GPHN: variants seen among roughly 807,000 people sequenced by gnomAD.
The protein encoded by GPHN is gephyrin.
A neutral mutation model predicts 95.5 loss-of-function variants in GPHN; 17 were observed. That is an observed-to-expected ratio of 0.18 (90% CI 0.12 to 0.27). The LOEUF is 0.27. Among genes scored for constraint, GPHN ranks in the 10% least tolerant of loss-of-function variants. The pLI, the probability that GPHN is intolerant of heterozygous loss-of-function variation, is 1.00. For synonymous variants in GPHN, 320 were observed against 322.5 expected, an observed-to-expected ratio of 0.99 and a Z score of 0.08; for missense variants, 660 against 978.1, an observed-to-expected ratio of 0.67 and a Z score of 4.34.
At chr14:67,215,058 G>A in the GPHN span, among the ~76,000 whole-genome samples, 3 of 152,190 alleles carry the variant, frequency 2.0e-5, no homozygotes, top group Non-Finnish European at 4.4e-5. Context: ...AGCTTAAGGA[G>A]ATTCTGGGCT....
chr14:67,457,307 C>T, the GPHN span, among the ~76,000 whole-genome samples: 1 of 152,122 alleles, frequency 6.6e-6, no homozygotes, highest in Non-Finnish European at 1.5e-5. Flanking sequence ...AAAAAAGAAA[C>T]AAACAGCAGG....
intron 1 of GPHN, among the ~76,000 whole-genome samples, chr14:66,546,015 G>A (rs973954552): frequency 1.3e-4 from 20 of 151,026 alleles, no homozygotes; most frequent in Admixed American, 4.6e-4. Flanking sequence ...CTTCTCAGAC[G>A]GGGCGGCCGG....
At chr14:67,690,402 A>G in the GPHN span, 6 of 1,614,170 alleles carry the variant, frequency 3.7e-6, no homozygotes, top group Non-Finnish European at 5.1e-6. Context: ...CTAGCAGCAG[A>G]TGGGTTAGGA....
the GPHN span, chr14:67,198,028 C>A: frequency 9.7e-7 from 1 of 1,029,394 alleles, no homozygotes. Flanking sequence ...CAGTGCCAAG[C>A]ATATCACAGA....
the GPHN span, among the ~76,000 whole-genome samples, chr14:67,689,755 C>A: frequency 6.6e-6 from 1 of 152,116 alleles, no homozygotes; most frequent in Non-Finnish European, 1.5e-5. Flanking sequence ...ACCACCCTGA[C>A]CAACATGGTG....
intron 9 of GPHN, among the ~76,000 whole-genome samples, chr14:67,013,299 A>T (rs965717848): frequency 6.6e-6 from 1 of 152,096 alleles, no homozygotes; most frequent in South Asian, 2.1e-4. Flanking sequence ...TGCTGAAAAG[A>T]GGATTCGCTA....
the GPHN span, chr14:67,690,068 G>C: frequency 1.5e-6 from 1 of 664,984 alleles, no homozygotes; most frequent in Non-Finnish European, 2.6e-6. Context: ...TTCAGTTGTA[G>C]ACTACTTACT....
intron 2 of GPHN, among the ~76,000 whole-genome samples, chr14:66,762,063 G>A (rs2058778080): frequency 6.6e-6 from 1 of 151,408 alleles, no homozygotes; most frequent in African/African-American, 2.4e-5. Flanking sequence ...AAAAGCTCCT[G>A]TTTTTGGAAA....
chr14:67,102,440 A>T (rs1480565161), intron 13 of GPHN, among the ~76,000 whole-genome samples: 1 of 151,760 alleles, frequency 6.6e-6, no homozygotes, highest in Non-Finnish European at 1.5e-5. Flanking sequence ...GCGGGCAGAT[A>T]ACCTGAGTTC....
At chr14:66,908,509 A>G (rs916409817) in intron 5 of GPHN, among the ~76,000 whole-genome samples, 10 of 152,082 alleles carry the variant, frequency 6.6e-5, no homozygotes, top group African/African-American at 2.4e-4. Flanking sequence ...CTGTGCATAT[A>G]ATTTCCAAAT....
chr14:67,301,511 C>T, the GPHN span: 11 of 1,418,474 alleles, frequency 7.8e-6, no homozygotes, highest in Non-Finnish European at 1.1e-5. Flanking sequence ...TTCCAGCATT[C>T]TTCTATTTTT....
In GPHN at chr14:66,508,447, C is replaced by G; in HGVS notation, c.-81C>G. ...GGCTCCCTAGCTGTCGCGCTCTCCTCGGCGAGCGCGCTCCCGGCCCGCGCG... is the reference window on the plus strand; with the variant it reads ...GGCTCCCTAGCTGTCGCGCTCTCCTGGGCGAGCGCGCTCCCGGCCCGCGCG... On this transcript the variant is annotated 5_prime_UTR_variant, in exon 1 of 23. Transcript: ENST00000478722. The G allele has an allele frequency of 7.7e-7, 1 of 1,295,494 alleles. No individual in the cohort carries two copies. 80.2% of individuals were successfully genotyped at this position (1,295,494 alleles called of 1,614,324 possible). A position where few individuals can be genotyped will look rare whatever the true frequency, so the allele number is the denominator to read the frequency against.
the GPHN span, among the ~76,000 whole-genome samples, chr14:67,304,714 GT>G: frequency 6.6e-6 from 1 of 152,176 alleles, no homozygotes; most frequent in African/African-American, 2.4e-5. Flanking sequence ...AAAATTGTTT[GT>G]GGTGATAATT....
intron 12 of GPHN, among the ~76,000 whole-genome samples, chr14:67,091,974 C>T (rs765071766): frequency 6.6e-6 from 1 of 151,856 alleles, no homozygotes; most frequent in Non-Finnish European, 1.5e-5. Context: ...AGATATGTAA[C>T]ATATAAGAGC....
At chr14:66,543,856 A>G (rs1311728705) in intron 1 of GPHN, among the ~76,000 whole-genome samples, 4 of 152,148 alleles carry the variant, frequency 2.6e-5, no homozygotes, top group African/African-American at 7.2e-5. Flanking sequence ...GTAACCTCCT[A>G]TCTTGTCTCT....
chr14:67,420,893 TTGAG>T, the GPHN span, among the ~76,000 whole-genome samples: 1 of 152,188 alleles, frequency 6.6e-6, no homozygotes, highest in African/African-American at 2.4e-5. Flanking sequence ...CAAACAATGA[TTGAG>T]AGAGCAGGCT....
At chr14:67,403,771 G>A in the GPHN span, among the ~76,000 whole-genome samples, 942 of 152,314 alleles carry the variant, frequency 6.2e-3, 9 homozygotes, top group African/African-American at 0.021. Context: ...AGAATATGAG[G>A]CTGGGTGCAG....
the GPHN span, among the ~76,000 whole-genome samples, chr14:67,509,710 C>A: frequency 6.6e-6 from 1 of 152,138 alleles, no homozygotes; most frequent in African/African-American, 2.4e-5. Flanking sequence ...TTATAAAACA[C>A]AATAGATTCA....
chr14:66,842,085 CA>C (rs892938721), intron 4 of GPHN, among the ~76,000 whole-genome samples: 2 of 148,988 alleles, frequency 1.3e-5, no homozygotes, highest in Admixed American at 6.7e-5. Flanking sequence ...CAGCCCCGCC[CA>C]AAAAAAGTAG....
Sources: allele counts gnomAD v4.1 joint callset (sites outside exome capture counted in the v4.1 genomes callset), GRCh38; gene constraint gnomAD v4.1.1; transcripts MANE v1.5; gene names NCBI Gene and HGNC (gene_info 2026-07-23, HGNC 2026-07-21).